TRPM5: variants seen among roughly 807,000 people sequenced by gnomAD.
TRPM5 encodes MLSN1 and TRP-related.
TRPM5 carries 121 observed loss-of-function variants against 124.9 expected under a neutral mutation model. The observed-to-expected ratio is 0.97, with a 90% CI of 0.84 to 1.13. TRPM5 has a LOEUF of 1.13. Ranked by LOEUF, TRPM5 falls within the 50% of genes most tolerant of loss-of-function variation. The pLI, the probability that TRPM5 is intolerant of heterozygous loss-of-function variation, is 0.00. For synonymous variants in TRPM5, 781 were observed against 700.5 expected (o/e 1.11, Z -1.81); for missense variants, 1,643 against 1,589.1 (o/e 1.03, Z -0.58).
intron 15 of TRPM5, among the ~76,000 whole-genome samples, chr11:2,412,515 A>T (rs924120370): frequency 3.3e-5 from 5 of 152,208 alleles, no homozygotes; most frequent in African/African-American, 9.7e-5. Context: ...TCAGTCCGTG[A>T]TACAGGTCAG....
chr11:2,413,017 G>A lies in TRPM5; in HGVS notation c.2097-5C>T. The A allele has an allele frequency of 6.2e-7, 1 of 1,600,222 alleles. No homozygotes were observed. The highest frequency in any genetic ancestry group is 8.5e-7 in the Non-Finnish European group (1 of 1,174,572). ...GCCTCCACCAGCTCCTCCACCCTGT[G>A]CCGCAGAGAAGTTCGCAGTGGTGAG... On this transcript the variant is annotated splice_polypyrimidine_tract_variant and splice_region_variant and intron_variant, in intron 14 of 23. Coordinates refer to ENST00000155858, the Ensembl canonical transcript of TRPM5.
chr11:2,443,735 G>A, the TRPM5 span, among the ~76,000 whole-genome samples: 1 of 152,120 alleles, frequency 6.6e-6, no homozygotes, highest in Non-Finnish European at 1.5e-5. The surrounding 1 kb of genome is among the most constrained non-coding windows in gnomAD (Gnocchi z 5.0). Context: ...GGGGCGGAGA[G>A]TCACCGCTGA....
In TRPM5 at chr11:2,407,929, C is replaced by T; in HGVS notation, c.2783-17G>A. The T allele has an allele frequency of 6.2e-7, 1 of 1,611,440 alleles. No individual in the cohort carries two copies. Among genetic ancestry groups the T allele is most frequent in the Non-Finnish European group, 8.5e-7 (1 of 1,178,960 alleles). On this transcript the variant is annotated splice_polypyrimidine_tract_variant and intron_variant, in intron 18 of 23. Coordinates refer to ENST00000155858, the Ensembl canonical transcript of TRPM5. The stretch of plus-strand genomic sequence containing the variant: ...CACGGGCTTCTGGAAAGCAAGGGTG[C>T]TGTGGGGACCAGACCGGGGGCAGCC...
chr11:2,418,049 GC>G (rs1845711098), intron 6 of TRPM5, 117 bp downstream of exon 11: 3 of 1,057,436 alleles, frequency 2.8e-6, no homozygotes, highest in Non-Finnish European at 4.1e-6. Flanking sequence ...TGGGTGGGGG[GC>G]CCAGCAGCCT....
intron 16 of TRPM5, 146 bp downstream of exon 21, chr11:2,411,989 C>G: frequency 1.1e-6 from 1 of 906,796 alleles, no homozygotes; most frequent in South Asian, 1.5e-5. Flanking sequence ...GCTGCCTCAA[C>G]TTCCCTGGCT....
At chr11:2,407,766 T>C (rs1278900860) in exon 19 of TRPM5, 2 of 1,613,552 alleles carry the variant, frequency 1.2e-6, no homozygotes, top group Non-Finnish European at 1.7e-6. Flanking sequence ...CACCTGAACA[T>C]GGCGATGAGC....
chr11:2,441,676 T>A, the TRPM5 span, among the ~76,000 whole-genome samples: 4 of 151,624 alleles, frequency 2.6e-5, no homozygotes, highest in Non-Finnish European at 5.9e-5. This position sits in a 1 kb window ranked among gnomAD's most constrained non-coding sequence, Gnocchi z 7.2. Flanking sequence ...CCAAGAAGCC[T>A]CCCTAGTGAG....
Position 2,412,368 on chromosome 11 carries a change from G to A in TRPM5, c.2356-115C>T, listed in dbSNP as rs554594424. 1.8e-4 allele frequency: 97 copies of A among 550,286 alleles called. No individual in the cohort carries two copies. In the East Asian group the frequency reaches 2.7e-3, roughly 15 times the overall value. The allele number at this position is 550,286 out of a possible 1,614,324, so 34.1% of individuals were successfully genotyped here. A position where few individuals can be genotyped will look rare whatever the true frequency, so the allele number is the denominator to read the frequency against. On this transcript the variant is annotated intron_variant, in intron 15 of 23. Transcript: ENST00000155858. ...CAGGGTTCCATCTATGACCAGGGCC[G>A]AGGCTACCAGTGGGACTAGGGGTCC...
At chr11:2,425,603 G>A (rs1216164281), upstream of TRPM5, among the ~76,000 whole-genome samples, 1 of 152,254 alleles carries the variant, frequency 6.6e-6, no homozygotes, top group African/African-American at 2.4e-5. Context: ...AGGGAGGTGG[G>A]ATGTGTGCTT....
the TRPM5 span, among the ~76,000 whole-genome samples, chr11:2,439,903 A>G: frequency 6.6e-6 from 1 of 152,236 alleles, no homozygotes; most frequent in East Asian, 1.9e-4. Flanking sequence ...CACTATTCAC[A>G]ATAACAAAGA....
At chr11:2,416,412 C>T (rs1845681695) in intron 7 of TRPM5, among the ~76,000 whole-genome samples, 1 of 152,142 alleles carries the variant, frequency 6.6e-6, no homozygotes, top group Admixed American at 6.5e-5. Flanking sequence ...GGGCATTTGG[C>T]CATGACTTGG....
chr11:2,433,723 C>T, the TRPM5 span, among the ~76,000 whole-genome samples: 1 of 152,238 alleles, frequency 6.6e-6, no homozygotes, highest in Non-Finnish European at 1.5e-5. Context: ...TGGGTAATTG[C>T]GAGAAGCAAG....
At chr11:2,415,412 C>T in exon 9 of TRPM5, 2 of 1,593,954 alleles carry the variant, frequency 1.3e-6, no homozygotes, top group Non-Finnish European at 1.7e-6. Context: ...CAAAGAGGCG[C>T]ACAAACTCGG....
chr11:2,422,040 C>T, intron 2 of TRPM5, 101 bp downstream of exon 7: 1 of 1,310,104 alleles, frequency 7.6e-7, no homozygotes, highest in East Asian at 2.7e-5. Flanking sequence ...TCTGGCTGCC[C>T]TGTGGGGTGG....
At chr11:2,435,303 C>T in the TRPM5 span, among the ~76,000 whole-genome samples, 3 of 152,144 alleles carry the variant, frequency 2.0e-5, no homozygotes, top group East Asian at 5.8e-4. The surrounding 1 kb of genome is among the most constrained non-coding windows in gnomAD (Gnocchi z 4.1). Context: ...CATGGAGAGG[C>T]TGCCATCTGT....
chr11:2,415,021 C>T (rs752986561), exon 10 of TRPM5: 17 of 1,603,624 alleles, frequency 1.1e-5, no homozygotes, highest in South Asian at 7.7e-5. Context: ...ACTTCTGGCC[C>T]GTGGGCCGCT....
chr11:2,409,484 T>C (rs1850398878), intron 18 of TRPM5, among the ~76,000 whole-genome samples: 1 of 152,126 alleles, frequency 6.6e-6, no homozygotes, highest in African/African-American at 2.4e-5. Flanking sequence ...GAGAACAAGC[T>C]CGTCACCACA....
intron 5 of TRPM5, 52 bp from the exon 11 acceptor site, chr11:2,418,410 T>A (rs1211525698): frequency 6.6e-6 from 10 of 1,525,426 alleles, no homozygotes; most frequent in Non-Finnish European, 8.8e-6. Context: ...CGACGACATC[T>A]GGATGCAGGT....
At chr11:2,421,140 G>C in exon 3 of TRPM5, 1 of 1,542,580 alleles carries the variant, frequency 6.5e-7, no homozygotes, top group Non-Finnish European at 8.7e-7. Context: ...GGTCGCGCAC[G>C]GCCTGCCCGA....
Sources: allele counts gnomAD v4.1 joint callset (sites outside exome capture counted in the v4.1 genomes callset), GRCh38; gene constraint gnomAD v4.1.1; non-coding constraint Gnocchi (gnomAD v3.1); transcripts MANE v1.5; gene names NCBI Gene and HGNC (gene_info 2026-07-23, HGNC 2026-07-21).